The following SLC24A5 variants were observed in gnomAD, a reference collection of about 807,000 sequenced individuals.
The protein encoded by SLC24A5 is solute carrier family 24 member 5.
Under a neutral mutation model 51.6 loss-of-function variants are expected in SLC24A5, and 46 were observed. The ratio of observed to expected loss-of-function variants is 0.89; its 90% confidence interval spans 0.70 to 1.14. SLC24A5 has a LOEUF of 1.14. SLC24A5 is among the 50% of genes most tolerant of loss of function. SLC24A5 has a pLI of 0.00. For synonymous variants in SLC24A5, 230 were observed against 214.9 expected, an observed-to-expected ratio of 1.07 and a Z score of -0.62; for missense variants, 581 against 604.1, an observed-to-expected ratio of 0.96 and a Z score of 0.40.
intron 8 of SLC24A5, 103 bp from the exon 9 acceptor site, chr15:48,141,926 G>C (rs776460023): frequency 1.1e-6 from 1 of 886,636 alleles, no homozygotes; most frequent in African/African-American, 1.7e-5. Context: ...TTTTCAAAAC[G>C]AATCAACAAC....
At chr15:48,121,798 G>A in intron 1 of SLC24A5, 59 bp from the exon 2 acceptor site, 2 of 1,550,928 alleles carry the variant, frequency 1.3e-6, no homozygotes, top group East Asian at 4.5e-5. Context: ...GAAGCTCTCT[G>A]TGGGCTTGGA....
chr15:48,132,685 GAGCTC>G (rs1218431568), intron 2 of SLC24A5, among the ~76,000 whole-genome samples: 5 of 152,040 alleles, frequency 3.3e-5, no homozygotes, highest in African/African-American at 1.2e-4. Context: ...AATCACCTGA[GAGCTC>G]ACTCTCTCAT....
chr15:48,128,450 T>A (rs1393143332), intron 2 of SLC24A5, among the ~76,000 whole-genome samples: 2 of 152,226 alleles, frequency 1.3e-5, no homozygotes, highest in African/African-American at 2.4e-5. Context: ...TTTGGACTAA[T>A]ATTTGCTTAT....
chr15:48,123,905 G>C (rs1039461937), intron 2 of SLC24A5: 1 of 151,906 alleles, frequency 6.6e-6, no homozygotes, highest in Non-Finnish European at 1.5e-5. Flanking sequence ...TTATCCATGA[G>C]GGTGAATATT....
In SLC24A5 at chr15:48,134,430, C is replaced by T; in HGVS notation, c.386-5C>T. 1 of 1,611,492 alleles carries T rather than the reference C, an allele frequency of 6.2e-7. No homozygotes were observed. Among genetic ancestry groups the T allele is most frequent in the Non-Finnish European group, 8.5e-7 (1 of 1,177,788 alleles). ...CTAACTTAGCTGGTACTATCTTGCA[C>T]ATAGGTGTATTTATCACAAAGGGAG... On this transcript the variant is annotated splice_region_variant and splice_polypyrimidine_tract_variant and intron_variant, in intron 3 of 8. Coordinates refer to ENST00000341459, the MANE Select transcript of SLC24A5 (RefSeq NM_205850.3).
intron 5 of SLC24A5, chr15:48,136,014 C>A (rs2038889595): frequency 3.3e-5 from 5 of 152,102 alleles, no homozygotes; most frequent in Admixed American, 3.3e-4. Flanking sequence ...AAGGTAAATG[C>A]AAGGTTCAAA....
At chr15:48,138,430 TAATA>T (rs2140750879) in intron 6 of SLC24A5, 1 of 152,302 alleles carries the variant, frequency 6.6e-6, no homozygotes, top group Non-Finnish European at 1.5e-5. Flanking sequence ...AGTCTGAATT[TAATA>T]AATAAAATAG....
Position 48,139,136 on chromosome 15 carries a change from G to A in SLC24A5, c.1039G>A (p.Ala347Thr), listed in dbSNP as rs374686603. Reference sequence around the variant, plus strand: ...TTTCATGTCTGCAATATGGATATCCGCATTTACATATATCCTGGTTTGGAT... The same window carrying A: ...TTTCATGTCTGCAATATGGATATCCACATTTACATATATCCTGGTTTGGAT... ...TFFMSAIWIS[A>T]FTYILVWMVT... The change falls in exon 7 of 9, where the codon GCA becomes ACA. Residue 347 changes from alanine (A) to threonine (T), a missense_variant. Coordinates refer to ENST00000341459, the MANE Select transcript of SLC24A5 (RefSeq NM_205850.3). The A allele has an allele frequency of 3.5e-5, 57 of 1,612,508 alleles. No individual in the cohort carries two copies. The highest frequency in any genetic ancestry group is 1.7e-4 in the Middle Eastern group (1 of 5,944).
At chr15:48,127,953 T>A (rs919500458) in intron 2 of SLC24A5, among the ~76,000 whole-genome samples, 1 of 151,388 alleles carries the variant, frequency 6.6e-6, no homozygotes, top group East Asian at 1.9e-4. Context: ...TTAAATATAA[T>A]TTAAATTTAA....
intron 2 of SLC24A5, among the ~76,000 whole-genome samples, chr15:48,133,835 T>C (rs2038828309): frequency 6.6e-6 from 1 of 152,184 alleles, no homozygotes; most frequent in Non-Finnish European, 1.5e-5. Flanking sequence ...TTAACAGATG[T>C]GTGCAAATTT....
At chr15:48,128,696 T>A (rs2038757597) in intron 2 of SLC24A5, among the ~76,000 whole-genome samples, 1 of 152,152 alleles carries the variant, frequency 6.6e-6, no homozygotes, top group African/African-American at 2.4e-5. Flanking sequence ...TGCTACACAC[T>A]CATTCTCCTA....
At chr15:48,135,137 G>T in intron 5 of SLC24A5, 153 bp downstream of exon 5, 1 of 551,188 alleles carries the variant, frequency 1.8e-6, no homozygotes, top group Non-Finnish European at 3.2e-6. Flanking sequence ...CATCACAATT[G>T]CTGATTGAGT....
At position 48,121,028 on chromosome 15, in the gene SLC24A5, G is replaced by A; in HGVS notation, c.-17G>A. On this transcript the variant is annotated 5_prime_UTR_variant, in exon 1 of 9. Coordinates refer to ENST00000341459, the MANE Select transcript of SLC24A5 (RefSeq NM_205850.3). ...TCCCTTCCTGAAGCTGCACGCTGCA[G>A]TAAGAGCACAGCAGAAATGCAGACA... The A allele has an allele frequency of 3.7e-6, 6 of 1,611,894 alleles. No homozygotes were observed. The highest frequency in any genetic ancestry group is 5.1e-6 in the Non-Finnish European group (6 of 1,178,932).
chr15:48,136,776 C>T lies in SLC24A5; in HGVS notation c.684C>T (p.Cys228=). ...TTAACCAATATATTATAAAGAAATG[C>T]AGTCCTTGCTGCGCCTGTCTTGCCA... The part of the protein sequence containing the change: ...IKINQYIIKK[C]SPCCACLAKA... Residue 228 remains cysteine, a synonymous_variant, in exon 6 of 9, where the codon TGC becomes TGT. Coordinates refer to ENST00000341459, the MANE Select transcript of SLC24A5 (RefSeq NM_205850.3). 1 of 1,613,638 alleles carries T rather than the reference C, an allele frequency of 6.2e-7. No individual in the cohort carries two copies. Among genetic ancestry groups the T allele is most frequent in the Non-Finnish European group, 8.5e-7 (1 of 1,179,814 alleles).
At chr15:48,126,656 T>A (rs890697895) in intron 2 of SLC24A5, among the ~76,000 whole-genome samples, 7 of 152,182 alleles carry the variant, frequency 4.6e-5, no homozygotes, top group African/African-American at 1.7e-4. Context: ...CCAGTTGTGC[T>A]ACTCTAGAAT....
Position 48,142,577 on chromosome 15 carries a change from A to G in SLC24A5, c.*226A>G. 2.1e-6 allele frequency: 1 copy of G among 466,566 alleles called. No individual in the cohort carries two copies. 28.9% of individuals were successfully genotyped at this position (466,566 alleles called of 1,614,324 possible). ...TTTGGGGGGAAAAAATCTATGTTTT[A>G]CCATACAATAAGTTGACAAAAACTG... On this transcript the variant is annotated 3_prime_UTR_variant, in exon 9 of 9. Coordinates refer to ENST00000341459, the MANE Select transcript of SLC24A5 (RefSeq NM_205850.3).
chr15:48,139,523 A>T (rs2038991360), intron 7 of SLC24A5: 1 of 154,390 alleles, frequency 6.5e-6, no homozygotes, highest in African/African-American at 2.5e-5. Context: ...TTCCATAATA[A>T]AAAAAAAAAA....
chr15:48,139,163 G>A lies in SLC24A5; in HGVS notation c.1066G>A (p.Val356Ile). The change falls in exon 7 of 9, where the codon GTC becomes ATC. Residue 356 changes from valine (V) to isoleucine (I), a missense_variant. By Grantham distance (29) the Val-to-Ile change is conservative (BLOSUM62 3). Coordinates refer to ENST00000341459, the MANE Select transcript of SLC24A5 (RefSeq NM_205850.3). ...SAFTYILVWM[V>I]TITGETLEIP... ...ATTTACATATATCCTGGTTTGGATG[G>A]TCACAATAACTGGTATGTATTTTAA... The A allele has an allele frequency of 6.2e-7, 1 of 1,610,776 alleles. No homozygotes were observed. The highest frequency in any genetic ancestry group is 8.5e-7 in the Non-Finnish European group (1 of 1,177,896).
Position 48,125,936 on chromosome 15 carries a change from T to C in SLC24A5, c.301+3900T>C, listed in dbSNP as rs142736532. 7.0e-3 allele frequency among the ~76,000 whole-genome samples: 1,062 copies of C among 152,182 alleles called. 5 individuals carry two copies. The highest frequency in any genetic ancestry group is 9.5e-3 in the Non-Finnish European group (647 of 67,988). The stretch of plus-strand genomic sequence containing the variant: ...CTCCTCAAATCACCACAGTGGCTCA[T>C]TTGGCCAACAGCAGGATCTTTAGCC... On this transcript the variant is annotated intron_variant, in intron 2 of 8. Coordinates refer to ENST00000341459, the MANE Select transcript of SLC24A5 (RefSeq NM_205850.3).
Sources: allele counts gnomAD v4.1 joint callset (sites outside exome capture counted in the v4.1 genomes callset), GRCh38; gene constraint gnomAD v4.1.1; transcripts MANE v1.5; gene names NCBI Gene and HGNC (gene_info 2026-07-23, HGNC 2026-07-21).